Variants in MGAT4C observed in about 807,000 individuals in gnomAD.
The protein encoded by MGAT4C is alpha-1,3-mannosyl-glycoprotein 4-beta-N-acetylglucosaminyltransferase C.
In MGAT4C, 19 loss-of-function variants were observed where a neutral mutation model predicts 40.1. The observed-to-expected ratio is 0.47, with a 90% CI of 0.33 to 0.70. The LOEUF is 0.70. MGAT4C is among the 30% of genes least tolerant of loss of function. The pLI is 0.02. For synonymous variants in MGAT4C, 181 were observed against 187.1 expected (o/e 0.97, Z 0.27); for missense variants, 491 against 563.2 (o/e 0.87, Z 1.30).
chr12:86,357,705 G>A (rs1238332907), intron 3 of MGAT4C, among the ~76,000 whole-genome samples: 1 of 152,106 alleles, frequency 6.6e-6, no homozygotes, highest in Non-Finnish European at 1.5e-5. Flanking sequence ...TAGCCTATTT[G>A]ATCAAGTGGA....
At chr12:86,812,479 T>C (rs1405961030) in intron 1 of MGAT4C, among the ~76,000 whole-genome samples, 1 of 152,128 alleles carries the variant, frequency 6.6e-6, no homozygotes, top group Non-Finnish European at 1.5e-5. Flanking sequence ...GAAGCTTTCT[T>C]GTTTACTGAG....
At chr12:86,117,549 A>T (rs530131852) in intron 1 of MGAT4C, among the ~76,000 whole-genome samples, 6 of 152,266 alleles carry the variant, frequency 3.9e-5, no homozygotes, top group Admixed American at 2.6e-4. Flanking sequence ...GCAGAGATAT[A>T]GGAATGTTAG....
At chr12:86,345,961 T>G (rs1270408334) in intron 3 of MGAT4C, among the ~76,000 whole-genome samples, 1 of 152,200 alleles carries the variant, frequency 6.6e-6, no homozygotes, top group Non-Finnish European at 1.5e-5. Context: ...TGGTGTGAGA[T>G]GGTATCTCAT....
intron 1 of MGAT4C, among the ~76,000 whole-genome samples, chr12:86,787,617 A>G (rs1951954880): frequency 6.6e-6 from 1 of 152,138 alleles, no homozygotes; most frequent in Non-Finnish European, 1.5e-5. Context: ...AAAGTCAAAA[A>G]ACAACAGCTA....
At chr12:86,460,378 A>G (rs1592873757) in intron 2 of MGAT4C, among the ~76,000 whole-genome samples, 1 of 152,278 alleles carries the variant, frequency 6.6e-6, no homozygotes, top group Non-Finnish European at 1.5e-5. Context: ...CAATATCTCA[A>G]CATTTTGTGG....
intron 4 of MGAT4C, among the ~76,000 whole-genome samples, chr12:86,282,976 CA>C: frequency 6.6e-6 from 1 of 152,090 alleles, no homozygotes; most frequent in African/African-American, 2.4e-5. Context: ...TTTTTCTAGG[CA>C]AAAACTTTCA....
intron 1 of MGAT4C, among the ~76,000 whole-genome samples, chr12:86,132,499 G>C (rs191944830): frequency 6.6e-6 from 1 of 151,968 alleles, no homozygotes; most frequent in Admixed American, 6.6e-5. Flanking sequence ...TAAAACACAA[G>C]TGAAAAACTG....
At chr12:86,397,962 A>T (rs1956290479) in intron 3 of MGAT4C, among the ~76,000 whole-genome samples, 1 of 152,074 alleles carries the variant, frequency 6.6e-6, no homozygotes, top group African/African-American at 2.4e-5. Context: ...CCATTTCTTA[A>T]TTTTTTTAAT....
At chr12:86,076,965 A>T (rs1869853250) in intron 1 of MGAT4C, among the ~76,000 whole-genome samples, 1 of 152,162 alleles carries the variant, frequency 6.6e-6, no homozygotes, top group African/African-American at 2.4e-5. Flanking sequence ...CAGGAGAAAG[A>T]TGTAGGCTGG....
intron 4 of MGAT4C, among the ~76,000 whole-genome samples, chr12:86,327,830 C>A (rs1239016436): frequency 6.6e-6 from 1 of 152,068 alleles, no homozygotes; most frequent in Non-Finnish European, 1.5e-5. Flanking sequence ...ATCTTTGCTG[C>A]AAGTTCCTGA....
intron 1 of MGAT4C, among the ~76,000 whole-genome samples, chr12:86,165,796 T>C (rs1034339529): frequency 6.6e-6 from 1 of 152,186 alleles, no homozygotes; most frequent in African/African-American, 2.4e-5. Flanking sequence ...AATGTAATGG[T>C]AGACAACTCA....
At chr12:86,023,086 T>C (rs1318187845) in intron 2 of MGAT4C, among the ~76,000 whole-genome samples, 3 of 152,254 alleles carry the variant, frequency 2.0e-5, no homozygotes, top group South Asian at 4.1e-4. Context: ...TAATACATTA[T>C]AGAGCTCATG....
In MGAT4C at chr12:86,039,015, TTC is replaced by T. The variant is rs775323188; in HGVS notation, c.-7+10657_-7+10658del. Among the ~76,000 whole-genome samples the T allele has an allele frequency of 8.7e-5, 13 of 149,900 alleles. 1 individual carries two copies. Among genetic ancestry groups the T allele is most frequent in the Non-Finnish European group, 1.5e-4 (10 of 66,798 alleles). On this transcript the variant is annotated intron_variant, in intron 2 of 4. Coordinates refer to ENST00000611864, the MANE Select transcript of MGAT4C (RefSeq NM_001351288.2). Reference sequence around the variant, plus strand: ...AAGCTTAGTTTGGGAGGATATAAAATTCTGTGTTGAACATTCTTTTCTTTAAG... The same window carrying T: ...AAGCTTAGTTTGGGAGGATATAAAATTGTGTTGAACATTCTTTTCTTTAAG...
chr12:86,691,424 G>A (rs2136597856), intron 2 of MGAT4C, among the ~76,000 whole-genome samples: 1 of 152,252 alleles, frequency 6.6e-6, no homozygotes, highest in Non-Finnish European at 1.5e-5. Flanking sequence ...TCACTAAGCT[G>A]AAGACACAAA....
At chr12:86,522,196 T>C (rs945960858) in intron 2 of MGAT4C, among the ~76,000 whole-genome samples, 1 of 152,188 alleles carries the variant, frequency 6.6e-6, no homozygotes, top group Non-Finnish European at 1.5e-5. Flanking sequence ...TCAAGAGGAA[T>C]GCTTTCAGCT....
chr12:86,461,063 ACT>A (rs1378526537), intron 2 of MGAT4C, among the ~76,000 whole-genome samples: 1 of 151,706 alleles, frequency 6.6e-6, no homozygotes, highest in Non-Finnish European at 1.5e-5. Context: ...TCATGTTATA[ACT>A]CTCTGAAAAA....
At chr12:86,720,435 G>A (rs1950719044) in intron 2 of MGAT4C, among the ~76,000 whole-genome samples, 1 of 152,150 alleles carries the variant, frequency 6.6e-6, no homozygotes, top group African/African-American at 2.4e-5. Flanking sequence ...GAGTCAAAGA[G>A]CTGGTGACAT....
chr12:86,352,628 C>T (rs966013166), intron 3 of MGAT4C, among the ~76,000 whole-genome samples: 2 of 152,102 alleles, frequency 1.3e-5, no homozygotes, highest in African/African-American at 2.4e-5. Context: ...TATACTTCTT[C>T]CTCATTCAAA....
chr12:86,478,886 A>G (rs1439127657), intron 2 of MGAT4C, among the ~76,000 whole-genome samples: 3 of 152,082 alleles, frequency 2.0e-5, no homozygotes, highest in African/African-American at 7.2e-5. Flanking sequence ...GAATGTCTAA[A>G]TTATTTAATA....
Sources: allele counts gnomAD v4.1 joint callset (sites outside exome capture counted in the v4.1 genomes callset), GRCh38; gene constraint gnomAD v4.1.1; transcripts MANE v1.5; gene names NCBI Gene and HGNC (gene_info 2026-07-23, HGNC 2026-07-21).